MTCL2: variants seen among roughly 807,000 people sequenced by gnomAD.
MTCL2 encodes microtubule cross-linking factor 2.
the MTCL2 span, among the ~76,000 whole-genome samples, chr20:36,809,405 C>T: frequency 6.6e-6 from 1 of 152,042 alleles, no homozygotes; most frequent in African/African-American, 2.4e-5. Flanking sequence ...CTGATGAGGG[C>T]ACCATTTCAT....
chr20:36,851,491 C>G, the MTCL2 span, among the ~76,000 whole-genome samples: 1 of 152,194 alleles, frequency 6.6e-6, no homozygotes, highest in South Asian at 2.1e-4. Flanking sequence ...CGTAGGCAAC[C>G]AGCAGCCACC....
the MTCL2 span, chr20:36,777,590 C>T: frequency 2.3e-6 from 1 of 434,942 alleles, no homozygotes; most frequent in Non-Finnish European, 4.1e-6. Flanking sequence ...AGCACCCGAT[C>T]CATCCTAGGA....
At chr20:36,819,382 A>G in the MTCL2 span, among the ~76,000 whole-genome samples, 1 of 152,128 alleles carries the variant, frequency 6.6e-6, no homozygotes, top group Admixed American at 6.6e-5. Context: ...CCATCCCTGA[A>G]AGTGACAGCC....
chr20:36,801,405 A>T, the MTCL2 span, among the ~76,000 whole-genome samples: 2 of 152,152 alleles, frequency 1.3e-5, no homozygotes, highest in Admixed American at 6.6e-5. Context: ...ATTGATGATT[A>T]AAAAACAAAC....
At chr20:36,784,635 C>T in the MTCL2 span, 15 of 985,316 alleles carry the variant, frequency 1.5e-5, no homozygotes, top group African/African-American at 1.2e-4. Flanking sequence ...AGGGGTTCAC[C>T]GGCACCAAGG....
At chr20:36,817,491 A>AAT in the MTCL2 span, 1 of 1,518,834 alleles carries the variant, frequency 6.6e-7, no homozygotes, top group Non-Finnish European at 8.8e-7. Context: ...TTTAATTAAA[A>AAT]AAAAAAAAAA....
the MTCL2 span, among the ~76,000 whole-genome samples, chr20:36,795,128 G>A: frequency 7.2e-5 from 11 of 151,956 alleles, no homozygotes; most frequent in East Asian, 1.9e-4. Flanking sequence ...TAGTAGAGAC[G>A]GGGTTTCACC....
the MTCL2 span, chr20:36,829,358 A>C: frequency 1.3e-6 from 1 of 790,596 alleles, no homozygotes; most frequent in Non-Finnish European, 1.9e-6. Context: ...CAGATGAGCA[A>C]ACTGAGGCAC....
the MTCL2 span, chr20:36,803,084 C>T: frequency 4.7e-5 from 76 of 1,608,284 alleles, no homozygotes; most frequent in Admixed American, 2.0e-4. Context: ...GCTCCCCGGC[C>T]CCCTTCCCTG....
chr20:36,802,129 T>C, the MTCL2 span, among the ~76,000 whole-genome samples: 2 of 150,492 alleles, frequency 1.3e-5, no homozygotes, highest in African/African-American at 4.9e-5. Flanking sequence ...CTACTAAAAA[T>C]ATAAAAATTA....
chr20:36,801,426 C>T, the MTCL2 span, among the ~76,000 whole-genome samples: 1 of 151,560 alleles, frequency 6.6e-6, no homozygotes, highest in Non-Finnish European at 1.5e-5. Context: ...AAAACAAAAC[C>T]CTGTAAATAT....
the MTCL2 span, among the ~76,000 whole-genome samples, chr20:36,831,742 T>C: frequency 6.6e-6 from 1 of 152,150 alleles, no homozygotes; most frequent in Non-Finnish European, 1.5e-5. Flanking sequence ...ATCCACGAAG[T>C]GGGGAGAACA....
At chr20:36,857,580 G>A in the MTCL2 span, among the ~76,000 whole-genome samples, 1 of 152,110 alleles carries the variant, frequency 6.6e-6, no homozygotes, top group South Asian at 2.1e-4. Flanking sequence ...CAGCCCCAAG[G>A]AGGCTGCGGC....
the MTCL2 span, among the ~76,000 whole-genome samples, chr20:36,848,190 C>A: frequency 6.6e-6 from 1 of 152,100 alleles, no homozygotes; most frequent in East Asian, 1.9e-4. Context: ...CAGATCAGAA[C>A]TGGTCGCAGA....
chr20:36,840,226 G>A, the MTCL2 span, among the ~76,000 whole-genome samples: 2 of 150,176 alleles, frequency 1.3e-5, no homozygotes, highest in African/African-American at 4.9e-5. Flanking sequence ...GTGCAGTGGC[G>A]CTATCTCGGC....
the MTCL2 span, among the ~76,000 whole-genome samples, chr20:36,851,009 G>C: frequency 6.6e-6 from 1 of 152,112 alleles, no homozygotes; most frequent in African/African-American, 2.4e-5. Context: ...AAACGGCAAG[G>C]CTCTAGGGAC....
chr20:36,808,016 C>T, the MTCL2 span, among the ~76,000 whole-genome samples: 2 of 150,566 alleles, frequency 1.3e-5, no homozygotes, highest in African/African-American at 2.4e-5. Context: ...GCTGGGACTA[C>T]AGGCACCCGC....
the MTCL2 span, among the ~76,000 whole-genome samples, chr20:36,840,385 G>T: frequency 5.3e-5 from 8 of 150,850 alleles, no homozygotes; most frequent in South Asian, 2.1e-4. Context: ...AGCCAGGATG[G>T]TCTCCATCTC....
At chr20:36,825,562 GTCT>G in the MTCL2 span, among the ~76,000 whole-genome samples, 1 of 152,222 alleles carries the variant, frequency 6.6e-6, no homozygotes, top group Admixed American at 6.5e-5. Context: ...CTCGGCCAGG[GTCT>G]GCCACCTCCC....
Sources: allele counts gnomAD v4.1 joint callset (sites outside exome capture counted in the v4.1 genomes callset), GRCh38; gene constraint gnomAD v4.1.1; transcripts MANE v1.5; gene names NCBI Gene and HGNC (gene_info 2026-07-23, HGNC 2026-07-21).